Variants in DNAAF5 observed in about 807,000 individuals in gnomAD.
The protein encoded by DNAAF5 is HEAT repeat containing 2.
Under a neutral mutation model 75.8 loss-of-function variants are expected in DNAAF5, and 64 were observed. That is an observed-to-expected ratio of 0.84 (90% CI 0.69 to 1.04). The LOEUF (loss-of-function observed/expected upper bound fraction) is 1.04. DNAAF5 is among the 50% of genes least tolerant of loss of function. DNAAF5 has a pLI of 0.00. For missense variants in DNAAF5, 1,269 were observed against 1,178.5 expected (o/e 1.08, Z -1.12); for synonymous variants, 657 against 557.2 (o/e 1.18, Z -2.52).
chr7:736,024 A>G (rs2128071289), intron 2 of DNAAF5, among the ~76,000 whole-genome samples: 1 of 152,314 alleles, frequency 6.6e-6, no homozygotes, highest in South Asian at 2.1e-4. Flanking sequence ...CCCACCGGTC[A>G]TTCAGGAGCA....
intron 8 of DNAAF5, among the ~76,000 whole-genome samples, chr7:767,956 G>A (rs1404934661): frequency 6.8e-6 from 1 of 146,800 alleles, no homozygotes; most frequent in African/African-American, 2.5e-5. Flanking sequence ...GGGCAGAAGT[G>A]TCCGCCAGCA....
intron 8 of DNAAF5, among the ~76,000 whole-genome samples, chr7:766,415 G>A (rs4357195): frequency 0.61 from 92,631 of 151,984 alleles, 28,937 homozygotes; most frequent in Middle Eastern, 0.73. Context: ...AAGTTCTATG[G>A]GAAGATACCT....
At chr7:774,882 C>T (rs1331675409) in intron 10 of DNAAF5, 124 bp from the exon 11 acceptor site, 2 of 790,562 alleles carry the variant, frequency 2.5e-6, no homozygotes, top group Non-Finnish European at 4.2e-6. Context: ...AGATTCAAGC[C>T]TACTTTTTAG....
In DNAAF5 at chr7:754,024, G is replaced by T. The variant is rs373197121; in HGVS notation, c.1025-565G>T. 7.3e-6 allele frequency among the ~76,000 whole-genome samples: 1 copy of T among 136,384 alleles called. No homozygotes were observed. The highest frequency in any genetic ancestry group is 2.8e-5 in the African/African-American group (1 of 36,118). The allele number at this position is 136,384 out of a possible 152,430, so 89.5% of individuals were successfully genotyped here. On this transcript the variant is annotated intron_variant, in intron 4 of 12. Coordinates refer to ENST00000297440, the MANE Select transcript of DNAAF5 (RefSeq NM_017802.4). The surrounding 1 kb of genome is among the most constrained non-coding windows in gnomAD (Gnocchi z 4.8). ...TCTCTGATCATAGGGGGACGGCTTCGCAGGCGTGTCTCTCATCATATGGCG... is the reference window on the plus strand; with the variant it reads ...TCTCTGATCATAGGGGGACGGCTTCTCAGGCGTGTCTCTCATCATATGGCG...
chr7:769,303 T>A, intron 8 of DNAAF5: 1 of 674,240 alleles, frequency 1.5e-6, no homozygotes, highest in African/African-American at 1.8e-5. Flanking sequence ...GTCCCCACCC[T>A]GAGCCTTCAG....
At chr7:750,393 A>G (rs1782256290) in intron 4 of DNAAF5, among the ~76,000 whole-genome samples, 1 of 152,104 alleles carries the variant, frequency 6.6e-6, no homozygotes, top group South Asian at 2.1e-4. Context: ...GCAACGCTTG[A>G]CTGTACCAGC....
chr7:766,062 C>G (rs1236921865), intron 8 of DNAAF5, among the ~76,000 whole-genome samples: 1 of 152,278 alleles, frequency 6.6e-6, no homozygotes, highest in Admixed American at 6.5e-5. Flanking sequence ...CTCCTAGGCT[C>G]GAACAGTCTT....
intron 8 of DNAAF5, among the ~76,000 whole-genome samples, chr7:765,727 G>A (rs1782799371): frequency 6.6e-6 from 1 of 152,112 alleles, no homozygotes; most frequent in Admixed American, 6.6e-5. Flanking sequence ...TTTTGAGACG[G>A]TCTCACGCTG....
chr7:734,013 A>T (rs560540771), intron 2 of DNAAF5, among the ~76,000 whole-genome samples: 7 of 152,150 alleles, frequency 4.6e-5, no homozygotes, highest in Non-Finnish European at 7.4e-5. Flanking sequence ...TTTTTGTGGA[A>T]TCTTTAGGTT....
chr7:783,103 T>G (rs1011006814), intron 12 of DNAAF5, among the ~76,000 whole-genome samples: 1 of 152,262 alleles, frequency 6.6e-6, no homozygotes, highest in African/African-American at 2.4e-5. Context: ...CCACAAACCC[T>G]GTCGGTTGTT....
At position 763,868 on chromosome 7, in the gene DNAAF5, C is replaced by T; in HGVS notation, c.1677C>T (p.Tyr559=). 1 of 1,613,452 alleles carries T rather than the reference C, an allele frequency of 6.2e-7. No individual in the cohort carries two copies. Among genetic ancestry groups the T allele is most frequent in the Non-Finnish European group, 8.5e-7 (1 of 1,180,042 alleles). ...VEGVSSCQDL[Y]RKHIGPLLER... ...GTGTCAGCAGCTGCCAGGACCTCTA[C>T]CGCAAGCACATTGGTCCCCTCCTGG... The change falls in exon 8 of 13, where the codon TAC becomes TAT. Residue 559 remains tyrosine (Y), a synonymous_variant. Transcript: ENST00000297440.
At chr7:738,390 A>G (rs1781799538) in intron 2 of DNAAF5, among the ~76,000 whole-genome samples, 1 of 152,058 alleles carries the variant, frequency 6.6e-6, no homozygotes, top group Non-Finnish European at 1.5e-5. Flanking sequence ...AAGGTCACCT[A>G]TCCCTGTCAC....
At chr7:731,567 A>G (rs1234264194) in intron 2 of DNAAF5, among the ~76,000 whole-genome samples, 1 of 152,236 alleles carries the variant, frequency 6.6e-6, no homozygotes, top group African/African-American at 2.4e-5. Flanking sequence ...TTGTTGATCT[A>G]AAGCAAGCTT....
At chr7:728,918 C>A (rs151296302) in intron 1 of DNAAF5, among the ~76,000 whole-genome samples, 1 of 151,914 alleles carries the variant, frequency 6.6e-6, no homozygotes, top group South Asian at 2.1e-4. Flanking sequence ...CTGGAATAGC[C>A]GTTTCCCAGA....
intron 4 of DNAAF5, among the ~76,000 whole-genome samples, chr7:751,607 T>G (rs1466222699): frequency 1.4e-5 from 2 of 146,030 alleles, no homozygotes; most frequent in African/African-American, 2.5e-5. Flanking sequence ...GGAGTCTCAC[T>G]CTGTCGCCCA....
chr7:750,972 C>G (rs913177730), intron 4 of DNAAF5: 1 of 158,710 alleles, frequency 6.3e-6, no homozygotes, highest in East Asian at 1.9e-4. Context: ...GGTGAAACCC[C>G]ATCTCTACTA....
At position 756,850 on chromosome 7, in the gene DNAAF5, G is replaced by A. The variant is rs765964526; in HGVS notation, c.1326G>A (p.Ser442=). 30 of 1,613,834 alleles carry A rather than the reference G, an allele frequency of 1.9e-5. No individual in the cohort carries two copies. Among genetic ancestry groups the A allele is most frequent in the Middle Eastern group, 1.6e-4 (1 of 6,084 alleles). The change falls in exon 6 of 13, where the codon TCG becomes TCA. Residue 442 remains serine (S), a synonymous_variant. Coordinates refer to ENST00000297440, the MANE Select transcript of DNAAF5 (RefSeq NM_017802.4). ...AGGTGTTTCTGAAGCTGATCTTATC[G>A]ACGCTGAAGAAGACGCCCTCTGCCT... The part of the protein sequence containing the change: ...SPEVFLKLIL[S]TLKKTPSASG...
At chr7:733,652 G>A (rs567752161) in intron 2 of DNAAF5, among the ~76,000 whole-genome samples, 10 of 151,958 alleles carry the variant, frequency 6.6e-5, no homozygotes, top group African/African-American at 1.9e-4. Flanking sequence ...GCCTGCCACC[G>A]CACCTGGCTA....
intron 2 of DNAAF5, among the ~76,000 whole-genome samples, chr7:739,594 C>T (rs563446957): frequency 3.9e-5 from 6 of 152,344 alleles, no homozygotes; most frequent in South Asian, 4.1e-4. Context: ...GCTGCTCGCA[C>T]GCCGAGAGTC....
Sources: allele counts gnomAD v4.1 joint callset (sites outside exome capture counted in the v4.1 genomes callset), GRCh38; gene constraint gnomAD v4.1.1; non-coding constraint Gnocchi (gnomAD v3.1); transcripts MANE v1.5; gene names NCBI Gene and HGNC (gene_info 2026-07-23, HGNC 2026-07-21).